Variants in AKAP7 observed in about 807,000 individuals in gnomAD.
AKAP7 encodes A kinase (PRKA) anchor protein 7.
A neutral mutation model predicts 39.5 loss-of-function variants in AKAP7; 39 were observed. The observed-to-expected ratio is 0.99, with a 90% CI of 0.76 to 1.29. The LOEUF (loss-of-function observed/expected upper bound fraction) is 1.29, where lower values mean the gene tolerates loss of function less well. Ranked by LOEUF, AKAP7 falls within the 50% of genes most tolerant of loss-of-function variation. The probability of loss-of-function intolerance (pLI) is 0.00; values close to 1 mark genes in which losing one functional copy is unlikely to be tolerated. For synonymous variants in AKAP7, 140 were observed against 139.1 expected (o/e 1.01, Z -0.05); for missense variants, 414 against 407.7 (o/e 1.02, Z -0.13).
chr6:131,264,215 T>C (rs1366462083), intron 7 of AKAP7, among the ~76,000 whole-genome samples: 1 of 152,236 alleles, frequency 6.6e-6, no homozygotes, highest in East Asian at 1.9e-4. Flanking sequence ...TTGCGACGTT[T>C]ACCACATGTG....
At chr6:131,226,961 C>T (rs1810221578) in intron 7 of AKAP7, among the ~76,000 whole-genome samples, 1 of 152,098 alleles carries the variant, frequency 6.6e-6, no homozygotes, top group Non-Finnish European at 1.5e-5. Flanking sequence ...AGACACAGTC[C>T]TTAAGAGTGA....
intron 7 of AKAP7, chr6:131,250,046 A>G (rs1441755088): frequency 1.0e-5 from 4 of 399,468 alleles, no homozygotes; most frequent in Middle Eastern, 1.3e-3. Context: ...GTGTTCTGCT[A>G]TGTTGGGTTT....
intron 4 of AKAP7, 107 bp downstream of exon 4, chr6:131,165,324 TA>T (rs1377134125): frequency 1.4e-6 from 1 of 736,640 alleles, no homozygotes; most frequent in African/African-American, 1.8e-5. Context: ...AAGTAGTCTC[TA>T]TACAATTTAT....
chr6:131,205,438 C>T (rs1808001560), intron 6 of AKAP7, among the ~76,000 whole-genome samples: 1 of 152,016 alleles, frequency 6.6e-6, no homozygotes, highest in South Asian at 2.1e-4. Flanking sequence ...GTGCAGAAGT[C>T]CCTGGGCTTC....
chr6:131,184,349 G>C, intron 5 of AKAP7: 1 of 647,300 alleles, frequency 1.5e-6, no homozygotes. Flanking sequence ...TGTTCTGGTA[G>C]ATGGAAGCTT....
At chr6:131,259,338 G>A (rs1011837587) in intron 7 of AKAP7, among the ~76,000 whole-genome samples, 10 of 152,268 alleles carry the variant, frequency 6.6e-5, no homozygotes, top group African/African-American at 2.4e-4. Flanking sequence ...CAGCTGGAGT[G>A]TGACCTGAGG....
chr6:131,237,736 G>A lies in AKAP7; in HGVS notation c.850+17928G>A, dbSNP rs1460981599. Among the ~76,000 whole-genome samples the A allele has an allele frequency of 3.3e-5, 5 of 152,080 alleles. No individual in the cohort carries two copies. The East Asian group carries it at 9.6e-4, about 29-fold the overall frequency. ...CTCTGATGGTAGTTTGTATTTCTGT[G>A]GGATCAGCGGTGATATCCCCTTCAT... On this transcript the variant is annotated intron_variant, in intron 7 of 7. Transcript: ENST00000431975.
chr6:131,134,848 C>T (rs949904085), upstream of AKAP7, among the ~76,000 whole-genome samples: 1 of 152,166 alleles, frequency 6.6e-6, no homozygotes, highest in African/African-American at 2.4e-5. Flanking sequence ...ATGTTCTTAA[C>T]CCCTGGTTTC....
chr6:131,192,045 G>A (rs1026321117), intron 5 of AKAP7, among the ~76,000 whole-genome samples: 6 of 152,008 alleles, frequency 3.9e-5, no homozygotes, highest in African/African-American at 1.4e-4. Context: ...CAAAGTGCTG[G>A]GATTGCAGAT....
rs1048469716 is a variant in AKAP7 at position 131,254,319 on chromosome 6, T to A, written c.851-27211T>A. ...GACTACTTATATAGAACTTGATTTA[T>A]TTGAATTACCTAATTTCTCATATTG... On this transcript the variant is annotated intron_variant, in intron 7 of 7. Transcript: ENST00000431975. Among the ~76,000 whole-genome samples the A allele has an allele frequency of 1.2e-4, 18 of 152,334 alleles. 1 individual carries two copies. The East Asian group carries it at 3.3e-3, about 28-fold the overall frequency.
intron 2 of AKAP7, among the ~76,000 whole-genome samples, chr6:131,151,680 A>C (rs555502460): frequency 6.6e-6 from 1 of 152,232 alleles, no homozygotes; most frequent in Admixed American, 6.5e-5. Context: ...TAGGTAATGG[A>C]GGTTGCAGTG....
At chr6:131,262,120 G>A (rs1382433610) in intron 7 of AKAP7, among the ~76,000 whole-genome samples, 1 of 152,122 alleles carries the variant, frequency 6.6e-6, no homozygotes, top group Non-Finnish European at 1.5e-5. Context: ...GTCTCTAAGG[G>A]AATGCAGTGA....
Position 131,135,701 on chromosome 6 carries a change from G to C in AKAP7, c.-63G>C, listed in dbSNP as rs1012904275. On this transcript the variant is annotated 5_prime_UTR_variant, in exon 1 of 8. Coordinates refer to ENST00000431975, the MANE Select transcript of AKAP7 (RefSeq NM_016377.4). The stretch of plus-strand genomic sequence containing the variant: ...CCGCCTCGGCCTCGCCTCCAGCCCC[G>C]GGACGCGGCCCGCCACCGCCGCTGC... 10 of 1,168,792 alleles carry C rather than the reference G, an allele frequency of 8.6e-6. No homozygotes were observed. In the African/African-American group the frequency reaches 1.1e-4, roughly 13 times the overall value. 72.4% of individuals were successfully genotyped at this position (1,168,792 alleles called of 1,614,324 possible).
intron 4 of AKAP7, among the ~76,000 whole-genome samples, chr6:131,166,603 C>T (rs1427691684): frequency 2.0e-5 from 3 of 152,144 alleles, no homozygotes; most frequent in Non-Finnish European, 4.4e-5. Context: ...AGAATTCCTT[C>T]TTAGGAGACT....
chr6:131,193,094 C>T (rs1255697935), intron 5 of AKAP7, among the ~76,000 whole-genome samples: 1 of 152,072 alleles, frequency 6.6e-6, no homozygotes, highest in Non-Finnish European at 1.5e-5. Flanking sequence ...TCTGATTGCT[C>T]TAGCTAGGAC....
chr6:131,192,235 GTCTTTAATCC>G (rs1562200430), intron 5 of AKAP7, among the ~76,000 whole-genome samples: 2 of 152,140 alleles, frequency 1.3e-5, no homozygotes, highest in South Asian at 4.1e-4. Context: ...CTAGATTTAA[GTCTTTAATCC>G]ATTTTGATTT....
chr6:131,185,048 C>A, intron 5 of AKAP7: 1 of 724,800 alleles, frequency 1.4e-6, no homozygotes. Context: ...GACTGTTTGT[C>A]ACAGGAAACT....
At chr6:131,250,437 C>T in intron 7 of AKAP7, 2 of 1,500,474 alleles carry the variant, frequency 1.3e-6, no homozygotes, top group Non-Finnish European at 8.9e-7. Context: ...TGCATTGGCT[C>T]TTCAAGCTGC....
chr6:131,207,834 T>G (rs191324522), intron 6 of AKAP7, among the ~76,000 whole-genome samples: 2 of 152,216 alleles, frequency 1.3e-5, no homozygotes, highest in African/African-American at 4.8e-5. Context: ...CCTTCCTTCA[T>G]CCCACAAAGA....
Sources: gnomAD v4.1 joint callset for allele counts (sites outside exome capture counted in the v4.1 genomes callset) on GRCh38, gnomAD v4.1.1 for gene constraint, MANE v1.5 for transcripts, NCBI Gene and HGNC (gene_info 2026-07-23, HGNC 2026-07-21) for gene names.